HNRNPUL2: variants seen among roughly 807,000 people sequenced by gnomAD.
The protein encoded by HNRNPUL2 is heterogeneous nuclear ribonucleoprotein U like 2, also known as heterogeneous nuclear ribonucleoprotein U-like protein 2.
In HNRNPUL2, 27 loss-of-function variants were observed where a neutral mutation model predicts 102.2. The observed-to-expected ratio is 0.26, with a 90% CI of 0.19 to 0.36. HNRNPUL2 has a LOEUF of 0.36. Among genes scored for constraint, HNRNPUL2 ranks in the 10% least tolerant of loss-of-function variants. HNRNPUL2 has a pLI of 1.00. For missense variants in HNRNPUL2, 936 were observed against 981.1 expected (o/e 0.95, Z 0.61); for synonymous variants, 458 against 387.2 (o/e 1.18, Z -2.15).
At position 62,726,707 on chromosome 11, in the gene HNRNPUL2, G is replaced by A. The variant is rs751615783; in HGVS notation, c.450C>T (p.Gly150=). 6.2e-7 allele frequency: 1 copy of A among 1,600,468 alleles called. No homozygotes were observed. Among genetic ancestry groups the A allele is most frequent in the South Asian group, 1.1e-5 (1 of 91,008 alleles). Residue 150 remains glycine (G), a synonymous_variant, in exon 1 of 14, where the codon GGC becomes GGT. Coordinates refer to ENST00000301785, the MANE Select transcript of HNRNPUL2 (RefSeq NM_001079559.3). The stretch of plus-strand genomic sequence containing the variant: ...CCTCGGGTTCGTCTTCCTCCCTCTT[G>A]CCGAGGCCCTGCTCTTCGCCACCAT... ...GVNGGEEQGL[G]KREEDEPEER...
At chr11:62,719,507 GTTCA>G (rs2083684402) in intron 10 of HNRNPUL2, among the ~76,000 whole-genome samples, 1 of 152,118 alleles carries the variant, frequency 6.6e-6, no homozygotes, top group African/African-American at 2.4e-5. Context: ...GCTTCTCTCT[GTTCA>G]TTCATTTATC....
intron 9 of HNRNPUL2, 141 bp from the exon 10 acceptor site, chr11:62,720,332 G>A (rs1026191604): frequency 2.9e-6 from 2 of 696,594 alleles, no homozygotes; most frequent in Admixed American, 2.6e-5. Flanking sequence ...GATCATCTCA[G>A]GTCAGGAGTT....
At chr11:62,723,793 G>A in intron 3 of HNRNPUL2, 67 bp from the exon 4 acceptor site, 2 of 1,607,812 alleles carry the variant, frequency 1.2e-6, no homozygotes, top group Non-Finnish European at 1.7e-6. Context: ...CAGAGCATAA[G>A]TATACCAGTT....
chr11:62,719,786 TTAA>T (rs1354888011), intron 10 of HNRNPUL2, among the ~76,000 whole-genome samples: 20 of 152,172 alleles, frequency 1.3e-4, no homozygotes, highest in African/African-American at 4.6e-4. Context: ...CATGAATAGA[TTAA>T]TGCCATTATT....
Position 62,713,004 on chromosome 11 carries a change from C to A in HNRNPUL2, c.*2295G>T, listed in dbSNP as rs549135608. On this transcript the variant is annotated 3_prime_UTR_variant, in exon 14 of 14. Coordinates refer to ENST00000301785, the MANE Select transcript of HNRNPUL2 (RefSeq NM_001079559.3). ...TCATAATAAAAAGACAGAAACAAAA[C>A]CCGGACATCTACTGTTGTTGCAAAT... 6.6e-6 allele frequency: 1 copy of A among 152,196 alleles called. No homozygotes were observed. The highest frequency in any genetic ancestry group is 1.5e-5 in the Non-Finnish European group (1 of 68,024). 9.4% of individuals were successfully genotyped at this position (152,196 alleles called of 1,614,324 possible). A position where few individuals can be genotyped will look rare whatever the true frequency, so the allele number is the denominator to read the frequency against.
intron 10 of HNRNPUL2, among the ~76,000 whole-genome samples, chr11:62,718,941 C>T (rs963518060): frequency 2.0e-5 from 3 of 151,844 alleles, no homozygotes; most frequent in African/African-American, 7.3e-5. Flanking sequence ...TTCTCTGCCT[C>T]AGCCTCCCGA....
Position 62,723,571 on chromosome 11 carries a change from G to A in HNRNPUL2, c.891+16C>T. ...GTAATAAATGAATGAATGAATGAATGGTCTTAATGAGCTACCTTTGCCTCA... is the reference window on the plus strand; with the variant it reads ...GTAATAAATGAATGAATGAATGAATAGTCTTAATGAGCTACCTTTGCCTCA... On this transcript the variant is annotated intron_variant, in intron 4 of 13. Transcript: ENST00000301785. The A allele has an allele frequency of 1.3e-6, 2 of 1,582,982 alleles. No individual in the cohort carries two copies. The highest frequency in any genetic ancestry group is 1.7e-6 in the Non-Finnish European group (2 of 1,163,978).
rs1460587609 is a variant in HNRNPUL2, at chr11:62,715,145, C to G, written c.*154G>C. The G allele has an allele frequency of 7.6e-6, 1 of 130,722 alleles. No individual in the cohort carries two copies. The highest frequency in any genetic ancestry group is 1.6e-5 in the Non-Finnish European group (1 of 60,778). The allele number at this position is 130,722 out of a possible 1,614,324, so 8.1% of individuals were successfully genotyped here. A position where few individuals can be genotyped will look rare whatever the true frequency, so the allele number is the denominator to read the frequency against. On this transcript the variant is annotated 3_prime_UTR_variant, in exon 14 of 14. Coordinates refer to ENST00000301785, the MANE Select transcript of HNRNPUL2 (RefSeq NM_001079559.3). The stretch of plus-strand genomic sequence containing the variant: ...GTTTGTTTCCACCTCCCCCCTCCCC[C>G]ACCCCTGCTTGAGCACCCTCCCCCC...
Position 62,714,897 on chromosome 11 carries a change from A to C in HNRNPUL2, c.*402T>G, listed in dbSNP as rs1590893680. 4 of 171,526 alleles carry C rather than the reference A, an allele frequency of 2.3e-5. No homozygotes were observed. Among genetic ancestry groups the C allele is most frequent in the South Asian group, 1.2e-4 (1 of 8,292 alleles). 10.6% of individuals were successfully genotyped at this position (171,526 alleles called of 1,614,324 possible). ...CCCACCCTCCCCACACCACCTCATC[A>C]CTCTCCTTTACTTGGCTGCCAGTCC... On this transcript the variant is annotated 3_prime_UTR_variant, in exon 14 of 14. Transcript: ENST00000301785.
At chr11:62,715,812 C>G (rs772443171) in intron 12 of HNRNPUL2, 52 bp downstream of exon 12, 60 of 1,542,206 alleles carry the variant, frequency 3.9e-5, no homozygotes, top group Non-Finnish European at 4.9e-5. Flanking sequence ...CCCAAGCCAA[C>G]AGAATGGCTC....
intron 1 of HNRNPUL2, among the ~76,000 whole-genome samples, chr11:62,726,244 T>C (rs948532525): frequency 6.6e-6 from 1 of 152,220 alleles, no homozygotes; most frequent in Admixed American, 6.5e-5. Flanking sequence ...CCCAAAGACC[T>C]GACCCTCTAA....
At chr11:62,724,166 A>C (rs558433139) in intron 2 of HNRNPUL2, 125 bp downstream of exon 2, 17 of 1,330,156 alleles carry the variant, frequency 1.3e-5, no homozygotes, top group Non-Finnish European at 1.8e-5. Context: ...ATGCAATCTA[A>C]AACTCATGCC....
At chr11:62,726,482 G>T in intron 1 of HNRNPUL2, 137 bp downstream of exon 1, 2 of 865,874 alleles carry the variant, frequency 2.3e-6, no homozygotes, top group South Asian at 2.0e-5. Context: ...AAGGTGGGTA[G>T]AGAATGAAAG....
chr11:62,720,879 A>G (rs1590897783), intron 9 of HNRNPUL2, among the ~76,000 whole-genome samples: 1 of 151,716 alleles, frequency 6.6e-6, no homozygotes, highest in African/African-American at 2.4e-5. Flanking sequence ...AAAAAAAAAA[A>G]AAAAAAAAGA....
Position 62,717,151 on chromosome 11 carries a change from C to T in HNRNPUL2, c.1819G>A (p.Glu607Lys), listed in dbSNP as rs1029725859. ...TTCTCCAGCTCCCCATATGTCACCT[C>T]ATCCATATAGTCGCATTTTTCAGGC... The part of the protein sequence containing the change: ...SLPEKCDYMD[E>K]VTYGELEKEE... Residue 607 changes from glutamate to lysine, a missense_variant, in exon 11 of 14, where the codon GAG becomes AAG. Glu to Lys is a moderately conservative substitution (Grantham distance 56). This residue lies in a region of HNRNPUL2 where 609 missense variants were observed against 713.0 expected (regional missense o/e 0.85). Coordinates refer to ENST00000301785, the MANE Select transcript of HNRNPUL2 (RefSeq NM_001079559.3). The T allele has an allele frequency of 6.2e-7, 1 of 1,614,006 alleles. No homozygotes were observed. The highest frequency in any genetic ancestry group is 8.5e-7 in the Non-Finnish European group (1 of 1,180,046).
chr11:62,715,509 G>A lies in HNRNPUL2; in HGVS notation c.2154C>T (p.Tyr718=). The A allele has an allele frequency of 1.2e-6, 2 of 1,609,646 alleles. No individual in the cohort carries two copies. The highest frequency in any genetic ancestry group is 1.7e-6 in the Non-Finnish European group (2 of 1,176,286). The part of the protein sequence containing the change: ...YNRYRDYYRQ[Y]NRDWQSYYYH... ...CCAAGAAGATACTCACATCCCGATT[G>A]TATTGTCTGTAATAGTCTCTGTATC... is the stretch of plus-strand genomic sequence containing the variant. The change falls in exon 13 of 14, where the codon TAC becomes TAT. Residue 718 remains tyrosine, a synonymous_variant. Transcript: ENST00000301785.
Position 62,724,003 on chromosome 11 carries a change from GAT to G in HNRNPUL2, c.675-15_675-14del, listed in dbSNP as rs750778330. On this transcript the variant is annotated splice_polypyrimidine_tract_variant and intron_variant, in intron 2 of 13. Coordinates refer to ENST00000301785, the MANE Select transcript of HNRNPUL2 (RefSeq NM_001079559.3). ...TGGAGACTTTGAGCTATATATGTAA[GAT>G]AGAAAAGAAACACAATGTAAACAAA... The G allele has an allele frequency of 2.5e-6, 4 of 1,602,298 alleles. No homozygotes were observed. In the African/African-American group the frequency reaches 5.4e-5, roughly 21 times the overall value.
Position 62,717,739 on chromosome 11 carries a change from C to A in HNRNPUL2, c.1781-550G>T, listed in dbSNP as rs57946784. Among the ~76,000 whole-genome samples, 2,171 of 152,222 alleles carry A rather than the reference C, an allele frequency of 0.014. 115 individuals carry two copies. The East Asian group carries it at 0.19, about 13-fold the overall frequency. The stretch of plus-strand genomic sequence containing the variant: ...GGCATGGTGGCAGGTGCCTGTTATC[C>A]CAGCTACTCGGGAGGCTGAGTGCCA... On this transcript the variant is annotated intron_variant, in intron 10 of 13. Transcript: ENST00000301785.
At position 62,722,661 on chromosome 11, in the gene HNRNPUL2, A is replaced by G. The variant is rs545136804; in HGVS notation, c.1035T>C (p.Asn345=). The change falls in exon 6 of 14, where the codon AAT becomes AAC. Residue 345 remains asparagine (N), a synonymous_variant. Transcript: ENST00000301785. Reference sequence around the variant, plus strand: ...TCTGGCCAAATTCCTCAAATTGTCCATTTTCTGCCTTGAGTCCTCGTCCAT... The same window carrying G: ...TCTGGCCAAATTCCTCAAATTGTCCGTTTTCTGCCTTGAGTCCTCGTCCAT... ...GFDGRGLKAE[N]GQFEEFGQTF... 3.1e-6 allele frequency: 5 copies of G among 1,614,144 alleles called. No individual in the cohort carries two copies. In the South Asian group the frequency reaches 5.5e-5, roughly 18 times the overall value.
Sources: gnomAD v4.1 joint callset for allele counts (sites outside exome capture counted in the v4.1 genomes callset) on GRCh38, gnomAD v4.1.1 for gene constraint, gnomAD v4.1.1 regional missense constraint, MANE v1.5 for transcripts, NCBI Gene and HGNC (gene_info 2026-07-23, HGNC 2026-07-21) for gene names.